The following RUNX2 variants were observed in gnomAD, a reference collection of about 807,000 sequenced individuals.
RUNX2 encodes RUNX family transcription factor 2.
A neutral mutation model predicts 51.7 loss-of-function variants in RUNX2; 10 were observed. The ratio of observed to expected loss-of-function variants is 0.19; its 90% CI spans 0.12 to 0.33. RUNX2 has a LOEUF of 0.33. Among genes scored for constraint, RUNX2 ranks in the 10% least tolerant of loss-of-function variants. The probability of loss-of-function intolerance (pLI) is 1.00; values close to 1 mark genes in which losing one functional copy is unlikely to be tolerated. For synonymous variants in RUNX2, 276 were observed against 273.6 expected (o/e 1.01, Z -0.09); for missense variants, 562 against 691.3 (o/e 0.81, Z 2.10).
intron 5 of RUNX2, among the ~76,000 whole-genome samples, chr6:45,479,778 T>C (rs1264340678): frequency 6.6e-6 from 1 of 152,224 alleles, no homozygotes; most frequent in Non-Finnish European, 1.5e-5. Context: ...AGGATGTTTT[T>C]TAATATTAAC....
intron 2 of RUNX2, among the ~76,000 whole-genome samples, chr6:45,362,980 AT>A (rs1264857629): frequency 1.3e-5 from 2 of 151,772 alleles, no homozygotes; most frequent in Non-Finnish European, 2.9e-5. Context: ...TTTTTTTAAT[AT>A]TTTATTTTTA....
At chr6:45,345,496 C>T (rs1461959858) in intron 2 of RUNX2, among the ~76,000 whole-genome samples, 1 of 152,110 alleles carries the variant, frequency 6.6e-6, no homozygotes, top group African/African-American at 2.4e-5. Context: ...AACCAACGCT[C>T]AAACCTGCAG....
rs577246427 is a variant in RUNX2 at position 45,331,137 on chromosome 6, G to A, written c.58+2353G>A. Among the ~76,000 whole-genome samples, 39 of 151,922 alleles carry A rather than the reference G, an allele frequency of 2.6e-4. 1 individual carries two copies. The East Asian group carries it at 4.3e-3, about 17-fold the overall frequency. ...TGTGTGTGTGTGTGTGCGCGCGCGCGCGCACATGCTAGAGAAAGAGTATGT... is the reference window on the plus strand; with the variant it reads ...TGTGTGTGTGTGTGTGCGCGCGCGCACGCACATGCTAGAGAAAGAGTATGT... On this transcript the variant is annotated intron_variant, in intron 2 of 8. Transcript: ENST00000647337.
At position 45,460,546 on chromosome 6, in the gene RUNX2, G is replaced by A. The variant is rs527793934; in HGVS notation, c.685+22495G>A. Among the ~76,000 whole-genome samples, 11 of 152,346 alleles carry A rather than the reference G, an allele frequency of 7.2e-5. No homozygotes were observed. The South Asian group carries it at 2.3e-3, about 32-fold the overall frequency. ...TTAAAGGGAGCAGGGAAATGGGGCA[G>A]TAACCGGAAGGGGATATGGCATAAT... On this transcript the variant is annotated intron_variant, in intron 5 of 8. Coordinates refer to ENST00000647337, the MANE Select transcript of RUNX2 (RefSeq NM_001024630.4).
At chr6:45,370,686 C>T (rs2150307124) in intron 2 of RUNX2, among the ~76,000 whole-genome samples, 1 of 152,138 alleles carries the variant, frequency 6.6e-6, no homozygotes, top group East Asian at 1.9e-4. Flanking sequence ...AATATCAAAA[C>T]ACCCTGTAAA....
intron 2 of RUNX2, among the ~76,000 whole-genome samples, chr6:45,346,076 ATC>A (rs1288755320): frequency 2.6e-5 from 4 of 152,134 alleles, no homozygotes; most frequent in African/African-American, 9.7e-5. Flanking sequence ...ACTGGCTTTC[ATC>A]CTCCAAATTG....
chr6:45,378,190 G>C (rs1311078869), intron 2 of RUNX2, among the ~76,000 whole-genome samples: 1 of 152,220 alleles, frequency 6.6e-6, no homozygotes, highest in African/African-American at 2.4e-5. Context: ...TTTAGAGCTG[G>C]GGACGCTGGG....
chr6:45,384,439 C>G (rs1797306775), intron 2 of RUNX2, among the ~76,000 whole-genome samples: 1 of 151,754 alleles, frequency 6.6e-6, no homozygotes, highest in Admixed American at 6.6e-5. Flanking sequence ...CATGCACCAC[C>G]ACGCCCAGCT....
chr6:45,442,149 G>A (rs1259099841), intron 5 of RUNX2, among the ~76,000 whole-genome samples: 3 of 152,110 alleles, frequency 2.0e-5, no homozygotes, highest in South Asian at 2.1e-4. Flanking sequence ...GAACATAGCC[G>A]ATGACTTATT....
chr6:45,490,498 A>G (rs1174710739), intron 5 of RUNX2, among the ~76,000 whole-genome samples: 2 of 152,166 alleles, frequency 1.3e-5, no homozygotes, highest in Non-Finnish European at 2.9e-5. Flanking sequence ...GAAGGCAATG[A>G]AAAAGGAGAC....
chr6:45,344,779 T>G (rs899347796), intron 2 of RUNX2, among the ~76,000 whole-genome samples: 2 of 152,106 alleles, frequency 1.3e-5, no homozygotes, highest in African/African-American at 4.8e-5. Flanking sequence ...GAAATATACT[T>G]GGTGGACCTA....
At chr6:45,339,226 T>G (rs185769408) in intron 2 of RUNX2, among the ~76,000 whole-genome samples, 1 of 152,232 alleles carries the variant, frequency 6.6e-6, no homozygotes, top group East Asian at 1.9e-4. Flanking sequence ...AGACTTCTTA[T>G]GTTACAGTGG....
chr6:45,380,039 C>A (rs1172235869), intron 2 of RUNX2, among the ~76,000 whole-genome samples: 1 of 152,166 alleles, frequency 6.6e-6, no homozygotes, highest in Non-Finnish European at 1.5e-5. Flanking sequence ...AGGTTCCTAC[C>A]TCCTGGAATT....
chr6:45,523,648 T>C (rs1801576187), intron 7 of RUNX2, among the ~76,000 whole-genome samples: 1 of 151,784 alleles, frequency 6.6e-6, no homozygotes, highest in African/African-American at 2.4e-5. Context: ...AGAAAATAGA[T>C]AACTAGGCTG....
chr6:45,347,798 C>T (rs555496309), intron 2 of RUNX2, among the ~76,000 whole-genome samples: 5 of 151,550 alleles, frequency 3.3e-5, no homozygotes, highest in African/African-American at 1.2e-4. Context: ...CATTAAAACA[C>T]TGTTTGTCTA....
At position 45,549,285 on chromosome 6, in the gene RUNX2, T is replaced by G. The variant is rs1390955987; in HGVS notation, c.*1980T>G. 7 of 398,392 alleles carry G rather than the reference T, an allele frequency of 1.8e-5. No homozygotes were observed. In the Admixed American group the frequency reaches 3.1e-4, roughly 18 times the overall value. 24.7% of individuals were successfully genotyped at this position (398,392 alleles called of 1,614,324 possible). On this transcript the variant is annotated 3_prime_UTR_variant, in exon 9 of 9. Transcript: ENST00000647337. ...TTAGCAGAGATTTGCCTTCAAACCCTAACGGCCCCCTTGTTCTCTGGTCCT... is the reference window on the plus strand; with the variant it reads ...TTAGCAGAGATTTGCCTTCAAACCCGAACGGCCCCCTTGTTCTCTGGTCCT...
Position 45,422,907 on chromosome 6 carries a change from G to T in RUNX2, c.373G>T (p.Val125Leu). 1.2e-6 allele frequency: 2 copies of T among 1,612,842 alleles called. No homozygotes were observed. Among genetic ancestry groups the T allele is most frequent in the Non-Finnish European group, 8.5e-7 (1 of 1,179,662 alleles). Residue 125 changes from valine (V) to leucine (L), a missense_variant, in exon 3 of 9, where the codon GTG (valine) becomes TTG (leucine). Transcript: ENST00000647337. ...CGACAGCCCCAACTTCCTGTGCTCGGTGCTGCCCTCGCACTGGCGCTGCAA... is the reference window on the plus strand; with the variant it reads ...CGACAGCCCCAACTTCCTGTGCTCGTTGCTGCCCTCGCACTGGCGCTGCAA... The part of the protein sequence containing the change: ...RTDSPNFLCS[V>L]LPSHWRCNKT...
intron 3 of RUNX2, among the ~76,000 whole-genome samples, chr6:45,431,574 G>A (rs1338548661): frequency 6.6e-6 from 1 of 152,086 alleles, no homozygotes; most frequent in African/African-American, 2.4e-5. Context: ...TAATTCCTAC[G>A]GACAGCTTAA....
intron 2 of RUNX2, among the ~76,000 whole-genome samples, chr6:45,382,651 G>A (rs1035890747): frequency 1.3e-5 from 2 of 152,224 alleles, no homozygotes; most frequent in African/African-American, 4.8e-5. Context: ...AGAAAATCAT[G>A]TGATATGAGG....
Sources: allele counts gnomAD v4.1 joint callset (sites outside exome capture counted in the v4.1 genomes callset), GRCh38; gene constraint gnomAD v4.1.1; transcripts MANE v1.5; gene names NCBI Gene and HGNC (gene_info 2026-07-23, HGNC 2026-07-21).